ARFGAP3: variants seen among roughly 807,000 people sequenced by gnomAD.
ARFGAP3 encodes the protein ARF GTPase activating protein 3.
Under a neutral mutation model 75.0 loss-of-function variants are expected in ARFGAP3, and 72 were observed. The ratio of observed to expected loss-of-function variants is 0.96; its 90% CI spans 0.79 to 1.17. ARFGAP3 has a LOEUF of 1.17. Ranked by LOEUF, ARFGAP3 falls within the 50% of genes most tolerant of loss-of-function variation. The pLI is 0.00. For synonymous variants in ARFGAP3, 221 were observed against 217.9 expected (o/e 1.01, Z -0.13); for missense variants, 620 against 626.6 (o/e 0.99, Z 0.11).
intron 14 of ARFGAP3, among the ~76,000 whole-genome samples, chr22:42,801,724 A>C (rs1255542787): frequency 6.6e-6 from 1 of 152,086 alleles, no homozygotes; most frequent in African/African-American, 2.4e-5. Flanking sequence ...TTCATCCTCA[A>C]ACACCTGCAG....
At chr22:42,840,838 T>G (rs1926749575) in intron 3 of ARFGAP3, 106 bp downstream of exon 3, 26 of 1,195,092 alleles carry the variant, frequency 2.2e-5, no homozygotes, top group Non-Finnish European at 2.9e-5. Flanking sequence ...CCCAAATGGC[T>G]GAGATTACAG....
intron 6 of ARFGAP3, 151 bp from the exon 7 acceptor site, chr22:42,827,150 T>C: frequency 7.8e-7 from 1 of 1,281,774 alleles, no homozygotes; most frequent in Non-Finnish European, 1.0e-6. Context: ...ATTTTAACGT[T>C]ATAAGAATTT....
At chr22:42,847,775 C>T in intron 1 of ARFGAP3, 143 bp from the exon 2 acceptor site, 1 of 973,118 alleles carries the variant, frequency 1.0e-6, no homozygotes, top group Non-Finnish European at 1.3e-6. Context: ...AATATCTCAC[C>T]TAGGTTTTTT....
chr22:42,815,539 T>C (rs531010926), intron 11 of ARFGAP3, among the ~76,000 whole-genome samples: 68 of 152,174 alleles, frequency 4.5e-4, no homozygotes, highest in African/African-American at 1.5e-3. Flanking sequence ...AAATATACAA[T>C]TTCACAATTA....
chr22:42,821,989 A>T (rs1489907100), intron 9 of ARFGAP3, among the ~76,000 whole-genome samples: 1 of 152,122 alleles, frequency 6.6e-6, no homozygotes. Context: ...TAATAATGTG[A>T]AGCATGTTTC....
At chr22:42,847,196 C>T in intron 2 of ARFGAP3, 1 of 203,346 alleles carries the variant, frequency 4.9e-6, no homozygotes. Context: ...GAGACAGGGT[C>T]TTACTCTGTC....
At chr22:42,804,219 T>G (rs1307921278) in intron 14 of ARFGAP3, among the ~76,000 whole-genome samples, 1 of 151,420 alleles carries the variant, frequency 6.6e-6, no homozygotes, top group African/African-American at 2.4e-5. Flanking sequence ...TTTTTCCTTT[T>G]CTTTTTTTTG....
intron 11 of ARFGAP3, chr22:42,811,157 A>G (rs900687146): frequency 8.1e-6 from 2 of 245,584 alleles, no homozygotes; most frequent in African/African-American, 4.6e-5. Flanking sequence ...CTCTCTTCCC[A>G]AGCTACATGG....
intron 14 of ARFGAP3, among the ~76,000 whole-genome samples, chr22:42,802,621 A>G (rs1468065720): frequency 9.5e-6 from 1 of 104,800 alleles, no homozygotes; most frequent in African/African-American, 3.8e-5. Context: ...TTTTTTTTTG[A>G]GATGGAGTCT....
At chr22:42,803,756 C>G (rs1453628833) in intron 14 of ARFGAP3, among the ~76,000 whole-genome samples, 1 of 152,160 alleles carries the variant, frequency 6.6e-6, no homozygotes, top group African/African-American at 2.4e-5. Flanking sequence ...AGAGAGTGCC[C>G]GTAAGAACGG....
At chr22:42,849,825 A>G (rs1927195496) in intron 1 of ARFGAP3, among the ~76,000 whole-genome samples, 1 of 151,966 alleles carries the variant, frequency 6.6e-6, no homozygotes, top group South Asian at 2.1e-4. Context: ...GCCTCCCAAA[A>G]TGCTAGGATT....
At position 42,810,688 on chromosome 22, in the gene ARFGAP3, G is replaced by A. The variant is rs1436377049; in HGVS notation, c.1196+125C>T. 25 of 788,108 alleles carry A rather than the reference G, an allele frequency of 3.2e-5. No individual in the cohort carries two copies. The East Asian group carries it at 4.4e-4, about 14-fold the overall frequency. 48.8% of individuals were successfully genotyped at this position (788,108 alleles called of 1,614,324 possible). A position where few individuals can be genotyped will look rare whatever the true frequency, so the allele number is the denominator to read the frequency against. Reference sequence around the variant, plus strand: ...TTGACCTCGGCCTCTTAAAGTGCTGGGATTATGGGAATGAGCCGCCGTGCC... The same window carrying A: ...TTGACCTCGGCCTCTTAAAGTGCTGAGATTATGGGAATGAGCCGCCGTGCC... On this transcript the variant is annotated intron_variant, in intron 12 of 15. Coordinates refer to ENST00000263245, the MANE Select transcript of ARFGAP3 (RefSeq NM_014570.5).
intron 14 of ARFGAP3, among the ~76,000 whole-genome samples, chr22:42,806,826 C>A (rs1925144971): frequency 6.6e-6 from 1 of 152,214 alleles, no homozygotes; most frequent in South Asian, 2.1e-4. Context: ...AGAAAACACT[C>A]CTCTATGACA....
At chr22:42,797,834 G>T in intron 15 of ARFGAP3, 1 of 731,104 alleles carries the variant, frequency 1.4e-6, no homozygotes, top group Non-Finnish European at 1.7e-6. Context: ...CCTGCCTCTG[G>T]CATCCACGGC....
chr22:42,821,246 T>C (rs1925800701), intron 9 of ARFGAP3, among the ~76,000 whole-genome samples: 1 of 152,204 alleles, frequency 6.6e-6, no homozygotes, highest in Non-Finnish European at 1.5e-5. Context: ...ATAATTCACA[T>C]ACCGTAAAAC....
rs147325645 is a variant in ARFGAP3 at position 42,841,447 on chromosome 22, C to T, written c.189-431G>A. Among the ~76,000 whole-genome samples, 123 of 152,212 alleles carry T rather than the reference C, an allele frequency of 8.1e-4. 1 individual carries two copies. The Middle Eastern group carries it at 0.01, about 13-fold the overall frequency. On this transcript the variant is annotated intron_variant, in intron 2 of 15. Coordinates refer to ENST00000263245, the MANE Select transcript of ARFGAP3 (RefSeq NM_014570.5). ...TTCTCTTATCACAAGGTAGAAGAGA[C>T]CTACCCAACATCACGACCAGCAGAG...
At chr22:42,844,524 G>C (rs912270780) in intron 2 of ARFGAP3, among the ~76,000 whole-genome samples, 1 of 151,512 alleles carries the variant, frequency 6.6e-6, no homozygotes, top group South Asian at 2.1e-4. Flanking sequence ...GGCGGAGGTT[G>C]CAGTGAGCTG....
chr22:42,797,761 G>A (rs1230310916), intron 15 of ARFGAP3, 156 bp from the exon 16 acceptor site: 2 of 985,206 alleles, frequency 2.0e-6, no homozygotes, highest in Middle Eastern at 5.2e-4. Flanking sequence ...TCTGGAAGCA[G>A]CCATTGCTGC....
chr22:42,833,713 A>G (rs1926396938), intron 5 of ARFGAP3, among the ~76,000 whole-genome samples: 2 of 151,788 alleles, frequency 1.3e-5, no homozygotes, highest in Admixed American at 1.3e-4. Flanking sequence ...CCAAGATCAC[A>G]CCATTGCACT....
Sources: allele counts gnomAD v4.1 joint callset (sites outside exome capture counted in the v4.1 genomes callset), GRCh38; gene constraint gnomAD v4.1.1; transcripts MANE v1.5; gene names NCBI Gene and HGNC (gene_info 2026-07-23, HGNC 2026-07-21).